The following YTHDC2 variants were observed in gnomAD, a reference collection of about 807,000 sequenced individuals.
YTHDC2 encodes the protein 3'-5' RNA helicase YTHDC2.
Under a neutral mutation model 174.9 loss-of-function variants are expected in YTHDC2, and 45 were observed. That is an observed-to-expected ratio of 0.26 (90% confidence interval 0.20 to 0.33). YTHDC2 has a LOEUF of 0.33. YTHDC2 is among the 10% of genes least tolerant of loss of function. The pLI is 1.00. For synonymous variants in YTHDC2, 657 were observed against 574.5 expected (o/e 1.14, Z -2.05); for missense variants, 1,650 against 1,723.7 (o/e 0.96, Z 0.76).
chr5:113,562,573 A>G (rs1272706300), intron 18 of YTHDC2, among the ~76,000 whole-genome samples: 1 of 152,198 alleles, frequency 6.6e-6, no homozygotes, highest in Non-Finnish European at 1.5e-5. Context: ...GAAGGAAGGA[A>G]CAGGTGATTT....
chr5:113,517,377 A>G (rs1321227915), intron 2 of YTHDC2, among the ~76,000 whole-genome samples: 3 of 152,176 alleles, frequency 2.0e-5, no homozygotes, highest in East Asian at 1.9e-4. Flanking sequence ...CATCATTTCT[A>G]TGGTTACATG....
chr5:113,582,264 G>T (rs1314093040), intron 25 of YTHDC2: 2 of 152,000 alleles, frequency 1.3e-5, no homozygotes, highest in Non-Finnish European at 2.9e-5. Flanking sequence ...TTGATTGAGG[G>T]GAGGCATATA....
chr5:113,565,244 C>T (rs1037354550), intron 20 of YTHDC2, among the ~76,000 whole-genome samples: 1 of 152,082 alleles, frequency 6.6e-6, no homozygotes, highest in East Asian at 1.9e-4. Flanking sequence ...ATGGATAACT[C>T]ATTGTTATTA....
At chr5:113,541,590 A>T (rs1261884465) in intron 9 of YTHDC2, among the ~76,000 whole-genome samples, 1 of 152,176 alleles carries the variant, frequency 6.6e-6, no homozygotes, top group East Asian at 1.9e-4. Flanking sequence ...TCTTTAAAAA[A>T]ATAATTTACC....
At chr5:113,556,173 A>T (rs1195101487) in intron 17 of YTHDC2, 39 bp downstream of exon 17, 1 of 1,266,754 alleles carries the variant, frequency 7.9e-7, no homozygotes, top group Non-Finnish European at 1.1e-6. Context: ...AATTGCCTGT[A>T]AAATGGAAAC....
rs1777793613 is a variant in YTHDC2 at position 113,572,502 on chromosome 5, T to C, written c.3244+4653T>C. Among the ~76,000 whole-genome samples, 3 of 152,250 alleles carry C rather than the reference T, an allele frequency of 2.0e-5. No homozygotes were observed. The South Asian group carries it at 6.2e-4, about 32-fold the overall frequency. On this transcript the variant is annotated intron_variant, in intron 23 of 29. Transcript: ENST00000161863. Reference sequence around the variant, plus strand: ...AGGTCCACTTGATCCAGAGCTGAGTTCAGGTCCTGAATATCTTTGTTAATT... The same window carrying C: ...AGGTCCACTTGATCCAGAGCTGAGTCCAGGTCCTGAATATCTTTGTTAATT...
chr5:113,589,896 T>G (rs576575122), intron 26 of YTHDC2, among the ~76,000 whole-genome samples: 15 of 152,338 alleles, frequency 9.8e-5, no homozygotes, highest in African/African-American at 3.4e-4. Flanking sequence ...TTATTACTTT[T>G]GGCATTTTTT....
At chr5:113,567,977 G>A (rs1777457829) in intron 23 of YTHDC2, 128 bp downstream of exon 23, 1 of 621,480 alleles carries the variant, frequency 1.6e-6, no homozygotes, top group African/African-American at 1.9e-5. Context: ...CTATTTTGAT[G>A]TACTAAGACT....
Position 113,513,752 on chromosome 5 carries a change from T to G in YTHDC2, c.-144T>G. The G allele has an allele frequency of 1.2e-6, 1 of 830,488 alleles. No individual in the cohort carries two copies. The highest frequency in any genetic ancestry group is 1.8e-6 in the Non-Finnish European group (1 of 566,080). The allele number at this position is 830,488 out of a possible 1,614,324, so 51.4% of individuals were successfully genotyped here. On this transcript the variant is annotated 5_prime_UTR_variant, in exon 1 of 30. Transcript: ENST00000161863. The stretch of plus-strand genomic sequence containing the variant: ...GCTTCACTTCTGCTGTGGCGGTGAC[T>G]GAGGCCTTTCTGGTGACCTCAGCCC...
intron 1 of YTHDC2, among the ~76,000 whole-genome samples, chr5:113,515,010 C>T (rs1412631170): frequency 6.6e-6 from 1 of 151,972 alleles, no homozygotes; most frequent in Non-Finnish European, 1.5e-5. Context: ...TATCAGAGGC[C>T]TTTATCACAT....
chr5:113,537,887 C>A (rs1775191102), intron 7 of YTHDC2, among the ~76,000 whole-genome samples: 1 of 152,098 alleles, frequency 6.6e-6, no homozygotes, highest in African/African-American at 2.4e-5. Context: ...AAGTTCTTAA[C>A]TCCTTGTAAT....
chr5:113,592,391 AT>A (rs1779057697), intron 28 of YTHDC2: 2 of 405,604 alleles, frequency 4.9e-6, no homozygotes, highest in East Asian at 7.9e-5. Context: ...TGACAATAGT[AT>A]TTAACTTCTC....
chr5:113,534,798 G>A (rs1774944098), intron 6 of YTHDC2, among the ~76,000 whole-genome samples: 1 of 152,018 alleles, frequency 6.6e-6, no homozygotes, highest in Non-Finnish European at 1.5e-5. Flanking sequence ...CCCAATGATA[G>A]GGGTATACTA....
chr5:113,549,188 G>C (rs1776084916), intron 12 of YTHDC2, among the ~76,000 whole-genome samples, 168 bp downstream of exon 12: 1 of 151,916 alleles, frequency 6.6e-6, no homozygotes, highest in Admixed American at 6.6e-5. Context: ...TATAATATTT[G>C]TCTTATTTTA....
rs189704905 is a variant in YTHDC2 at position 113,567,885 on chromosome 5, T to C, written c.3244+36T>C. ...TAAGGAAATAAAAATCTATTTGAAATGAATTTTTTTTTTTTACCAAATAAT... is the reference window on the plus strand; with the variant it reads ...TAAGGAAATAAAAATCTATTTGAAACGAATTTTTTTTTTTTACCAAATAAT... On this transcript the variant is annotated intron_variant, in intron 23 of 29. Transcript: ENST00000161863. 142 of 1,423,778 alleles carry C rather than the reference T, an allele frequency of 1.0e-4. No homozygotes were observed. In the East Asian group the frequency reaches 2.6e-3, roughly 26 times the overall value. The allele number at this position is 1,423,778 out of a possible 1,614,324, so 88.2% of individuals were successfully genotyped here. A position where few individuals can be genotyped will look rare whatever the true frequency, so the allele number is the denominator to read the frequency against.
chr5:113,515,657 T>C (rs893286171), intron 2 of YTHDC2, among the ~76,000 whole-genome samples: 3 of 152,210 alleles, frequency 2.0e-5, no homozygotes, highest in African/African-American at 7.2e-5. Context: ...AAAAGACATA[T>C]TAACAAGAGA....
intron 15 of YTHDC2, 24 bp from the exon 16 acceptor site, chr5:113,553,918 C>G (rs1356158876): frequency 6.3e-7 from 1 of 1,583,500 alleles, no homozygotes; most frequent in Non-Finnish European, 8.5e-7. Context: ...TTTTTATTAA[C>G]TTTAAAGTAA....
intron 2 of YTHDC2, among the ~76,000 whole-genome samples, chr5:113,517,395 C>T (rs1377513786): frequency 1.3e-5 from 2 of 152,196 alleles, no homozygotes; most frequent in Admixed American, 1.3e-4. Flanking sequence ...ATGGGTCTTG[C>T]ATTCTAAACA....
At chr5:113,528,474 G>A (rs563360174) in intron 4 of YTHDC2, among the ~76,000 whole-genome samples, 1 of 152,030 alleles carries the variant, frequency 6.6e-6, no homozygotes, top group South Asian at 2.1e-4. Context: ...ATTTGTGTTC[G>A]TTGTGTGAAA....
Sources: gnomAD v4.1 joint callset for allele counts (sites outside exome capture counted in the v4.1 genomes callset) on GRCh38, gnomAD v4.1.1 for gene constraint, MANE v1.5 for transcripts, NCBI Gene and HGNC (gene_info 2026-07-23, HGNC 2026-07-21) for gene names.